The following MBNL3 variants were observed in gnomAD, a reference collection of about 807,000 sequenced individuals.
MBNL3 encodes muscleblind-like protein 3.
Under a neutral mutation model 24.5 loss-of-function variants are expected in MBNL3, and 6 were observed. The observed-to-expected ratio is 0.25, with a 90% confidence interval of 0.13 to 0.48. The LOEUF is 0.48. Among genes scored for constraint, MBNL3 ranks in the 20% least tolerant of loss-of-function variants. The pLI is 0.99. For synonymous variants in MBNL3, 100 were observed against 101.7 expected (o/e 0.98, Z 0.10); for missense variants, 230 against 293.5 (o/e 0.78, Z 1.58).
At chrX:132,479,721 C>T (rs1947630230) in intron 1 of MBNL3, among the ~76,000 whole-genome samples, 1 of 111,910 alleles carries the variant, frequency 8.9e-6, no homozygotes, top group Non-Finnish European at 1.9e-5. Flanking sequence ...CTGCATGTAA[C>T]AGATTACTCA....
intron 1 of MBNL3, among the ~76,000 whole-genome samples, chrX:132,469,207 C>T (rs1947045420): frequency 8.9e-6 from 1 of 112,347 alleles, no homozygotes; most frequent in Non-Finnish European, 1.9e-5. Context: ...ACATGTCTGC[C>T]CATCTCCACC....
intron 1 of MBNL3, among the ~76,000 whole-genome samples, chrX:132,463,000 A>C (rs1946704943): frequency 8.9e-6 from 1 of 112,149 alleles, no homozygotes; most frequent in African/African-American, 3.2e-5. Flanking sequence ...AAACAAAAAA[A>C]TTTTGAATAA....
At chrX:132,464,657 T>C (rs1946798873) in intron 1 of MBNL3, among the ~76,000 whole-genome samples, 1 of 112,173 alleles carries the variant, frequency 8.9e-6, no homozygotes, top group Admixed American at 9.4e-5. Context: ...TGGTGCTGTA[T>C]CAACTAAAGA....
chrX:132,473,475 G>C (rs1300379202), intron 1 of MBNL3, among the ~76,000 whole-genome samples: 2 of 111,673 alleles, frequency 1.8e-5, no homozygotes, highest in Non-Finnish European at 3.8e-5. Flanking sequence ...TGTTCTCTTG[G>C]CATGAAGATG....
At chrX:132,449,977 G>GCCCCCACCCC (rs1945985463) in intron 1 of MBNL3, among the ~76,000 whole-genome samples, 1 of 25,460 alleles carries the variant, frequency 3.9e-5, no homozygotes, top group Non-Finnish European at 7.0e-5. Flanking sequence ...GCTGAATATT[G>GCCCCCACCCC]CCCCCCCCCC....
chrX:132,439,746 A>G lies in MBNL3; in HGVS notation c.-135T>C, dbSNP rs765197538. On this transcript the variant is annotated 5_prime_UTR_variant, in exon 2 of 9. Transcript: ENST00000370853. Reference sequence around the variant, plus strand: ...TTTGGTGAAATGTCTATTTGTTAACACTTAGGTTTTCATTAAAGTCAAATC... The same window carrying G: ...TTTGGTGAAATGTCTATTTGTTAACGCTTAGGTTTTCATTAAAGTCAAATC... The G allele has an allele frequency of 9.8e-5, 92 of 941,335 alleles. 1 individual carries two copies. The African/African-American group carries it at 1.8e-3, about 18-fold the overall frequency. 77.6% of individuals were successfully genotyped at this position (941,335 alleles called of 1,213,427 possible). A position where few individuals can be genotyped will look rare whatever the true frequency, so the allele number is the denominator to read the frequency against.
intron 3 of MBNL3, among the ~76,000 whole-genome samples, chrX:132,405,536 C>A (rs1941639615): frequency 9.0e-6 from 1 of 111,728 alleles, no homozygotes; most frequent in Admixed American, 9.5e-5. Context: ...ACTATTAATA[C>A]CTTTGTAACT....
At chrX:132,489,637 G>C (rs1245157979), upstream of MBNL3, among the ~76,000 whole-genome samples, 6 of 111,620 alleles carry the variant, frequency 5.4e-5, no homozygotes, top group Non-Finnish European at 9.5e-5. Flanking sequence ...GACGCGGCAC[G>C]CGGAGGGAAA....
chrX:132,482,790 G>A (rs1356709418), intron 1 of MBNL3, among the ~76,000 whole-genome samples: 2 of 112,039 alleles, frequency 1.8e-5, no homozygotes, highest in African/African-American at 3.2e-5. Flanking sequence ...CTCCCTTGAC[G>A]AGCCTGTCAA....
intron 2 of MBNL3, among the ~76,000 whole-genome samples, chrX:132,427,786 A>G (rs1944424009): frequency 8.9e-6 from 1 of 112,144 alleles, no homozygotes; most frequent in Non-Finnish European, 1.9e-5. Flanking sequence ...ACGCTAAGAC[A>G]GAAATTAGAA....
At chrX:132,449,791 G>A (rs944594930) in intron 1 of MBNL3, among the ~76,000 whole-genome samples, 19 of 110,614 alleles carry the variant, frequency 1.7e-4, no homozygotes, top group African/African-American at 3.0e-4. Flanking sequence ...GGCTGGTACC[G>A]GTTTTTCCTT....
intron 8 of MBNL3, 59 bp downstream of exon 8, chrX:132,382,119 G>C (rs1603034237): frequency 9.8e-7 from 1 of 1,022,080 alleles, no homozygotes; most frequent in East Asian, 3.0e-5. Context: ...AGCATATACT[G>C]TGCATTACCA....
chrX:132,412,266 C>T (rs1234844861), intron 2 of MBNL3, among the ~76,000 whole-genome samples: 4 of 111,264 alleles, frequency 3.6e-5, no homozygotes, highest in South Asian at 7.6e-4. Context: ...AGGGCCCCAC[C>T]GGACGAATAA....
At chrX:132,476,207 GT>G (rs201194722) in intron 1 of MBNL3, among the ~76,000 whole-genome samples, 3 of 107,765 alleles carry the variant, frequency 2.8e-5, no homozygotes, top group Admixed American at 9.9e-5. Context: ...ATGATCAAGT[GT>G]TTTTTTTTCA....
chrX:132,488,673 AAAAGGAGGAGGAGG>A (rs1162091285), intron 1 of MBNL3, among the ~76,000 whole-genome samples, 164 bp downstream of exon 1: 1 of 112,759 alleles, frequency 8.9e-6, no homozygotes, highest in Non-Finnish European at 1.9e-5. Context: ...AGGAAGAAGA[AAAAGGAGGAGGAGG>A]AAAGGAGGAG....
At chrX:132,422,392 T>C (rs906525432) in intron 2 of MBNL3, among the ~76,000 whole-genome samples, 2 of 112,004 alleles carry the variant, frequency 1.8e-5, no homozygotes, top group African/African-American at 6.5e-5. Flanking sequence ...CATAAGTTTC[T>C]CTATGCTCCA....
intron 5 of MBNL3, among the ~76,000 whole-genome samples, chrX:132,389,307 A>T (rs910068380): frequency 2.7e-5 from 3 of 111,878 alleles, no homozygotes; most frequent in African/African-American, 9.8e-5. Flanking sequence ...AGCCAGTCCA[A>T]AAATGGTACT....
rs780113847 is a variant in MBNL3 at position 132,379,513 on chromosome X, T to C, written c.*153A>G. On this transcript the variant is annotated 3_prime_UTR_variant, in exon 9 of 9. Coordinates refer to ENST00000370853, the MANE Select transcript of MBNL3 (RefSeq NM_001386889.1). ...TGATTTTTAATGCTTTATTTTTTAT[T>C]TGAATTTGCTGGCTGGCAGGTTTGC... is the stretch of plus-strand genomic sequence containing the variant. 1 of 486,118 alleles carries C rather than the reference T, an allele frequency of 2.1e-6. No homozygotes were observed. The highest frequency in any genetic ancestry group is 3.2e-6 in the Non-Finnish European group (1 of 311,644). 40.1% of individuals were successfully genotyped at this position (486,118 alleles called of 1,213,427 possible). A position where few individuals can be genotyped will look rare whatever the true frequency, so the allele number is the denominator to read the frequency against.
At position 132,423,144 on chromosome X, in the gene MBNL3, A is replaced by G. The variant is rs767128757; in HGVS notation, c.177+16291T>C. Among the ~76,000 whole-genome samples, 46 of 111,698 alleles carry G rather than the reference A, an allele frequency of 4.1e-4. 1 individual carries two copies. Among genetic ancestry groups the G allele is most frequent in the Non-Finnish European group, 8.3e-4 (44 of 53,100 alleles). On this transcript the variant is annotated intron_variant, in intron 2 of 8. Coordinates refer to ENST00000370853, the MANE Select transcript of MBNL3 (RefSeq NM_001386889.1). Reference sequence around the variant, plus strand: ...AAGAAGGCCGGTCTAGGTCATGAAGAAGGATTGGCCTTCTCAAAATCTATT... The same window carrying G: ...AAGAAGGCCGGTCTAGGTCATGAAGGAGGATTGGCCTTCTCAAAATCTATT...
Sources: gnomAD v4.1 joint callset for allele counts (sites outside exome capture counted in the v4.1 genomes callset) on GRCh38, gnomAD v4.1.1 for gene constraint, MANE v1.5 for transcripts, NCBI Gene and HGNC (gene_info 2026-07-23, HGNC 2026-07-21) for gene names.